The following SOX5 variants were observed in gnomAD, a reference collection of about 807,000 sequenced individuals.
The protein encoded by SOX5 is SRY-box transcription factor 5.
A neutral mutation model predicts 92.0 loss-of-function variants in SOX5; 9 were observed. The observed-to-expected ratio is 0.10, with a 90% CI of 0.06 to 0.17. The LOEUF is 0.17. Among genes scored for constraint, SOX5 ranks in the 10% least tolerant of loss-of-function variants. The pLI, the probability that SOX5 is intolerant of heterozygous loss-of-function variation, is 1.00. For missense variants in SOX5, 642 were observed against 944.5 expected, an observed-to-expected ratio of 0.68 and a Z score of 4.20; for synonymous variants, 344 against 336.3, an observed-to-expected ratio of 1.02 and a Z score of -0.25.
At chr12:23,933,489 C>T (rs144511700) in intron 1 of SOX5, among the ~76,000 whole-genome samples, 48 of 151,640 alleles carry the variant, frequency 3.2e-4, no homozygotes, top group African/African-American at 1.1e-3. Context: ...CTACAGCACT[C>T]TAAATGTGCA....
intron 8 of SOX5, among the ~76,000 whole-genome samples, chr12:23,633,227 CAAAAAACAG>C (rs1462961991): frequency 4.0e-5 from 6 of 151,666 alleles, no homozygotes; most frequent in Admixed American, 3.3e-4. Context: ...AGAAGTGTAG[CAAAAAACAG>C]AAACAGTACA....
At chr12:23,960,534 T>TATATTTATATACATATATATATATATAC in intron 4 of SOX5, among the ~76,000 whole-genome samples, 1 of 144,560 alleles carries the variant, frequency 6.9e-6, no homozygotes, top group Non-Finnish European at 1.5e-5. Context: ...TATATACATA[T>TATATTTATATACATATATATATATATAC]ATATATATAT....
At chr12:24,381,693 A>G (rs759553293) in intron 1 of SOX5, among the ~76,000 whole-genome samples, 27 of 152,242 alleles carry the variant, frequency 1.8e-4, no homozygotes, top group Non-Finnish European at 3.5e-4. Context: ...GTCTTTAAAA[A>G]GGTGGATCAT....
At chr12:24,340,954 T>C (rs1036863701) in intron 2 of SOX5, among the ~76,000 whole-genome samples, 1 of 152,164 alleles carries the variant, frequency 6.6e-6, no homozygotes, top group African/African-American at 2.4e-5. Flanking sequence ...ATGTATAAAT[T>C]TAATGTACTC....
chr12:23,912,149 C>G lies in SOX5; in HGVS notation c.39-16125G>C, dbSNP rs142052061. Among the ~76,000 whole-genome samples the G allele has an allele frequency of 5.5e-3, 835 of 152,066 alleles. 9 individuals carry two copies. Among genetic ancestry groups the G allele is most frequent in the African/African-American group, 0.019 (788 of 41,470 alleles). ...ATATACATGGAATTATTGTACAACA[C>G]TTACAATAGAAAGATAATCCATTTT... On this transcript the variant is annotated intron_variant, in intron 1 of 14. Transcript: ENST00000451604.
At chr12:23,802,910 G>T (rs2095690133) in intron 3 of SOX5, among the ~76,000 whole-genome samples, 1 of 152,056 alleles carries the variant, frequency 6.6e-6, no homozygotes, top group African/African-American at 2.4e-5. Context: ...CCACACTACA[G>T]AATATTAAAT....
intron 1 of SOX5, among the ~76,000 whole-genome samples, chr12:24,399,968 T>C (rs527450314): frequency 6.6e-6 from 1 of 152,320 alleles, no homozygotes; most frequent in African/African-American, 2.4e-5. Flanking sequence ...TACAATAAGG[T>C]TTTCATATTA....
At chr12:24,421,489 A>C (rs1299964823) in intron 1 of SOX5, among the ~76,000 whole-genome samples, 3 of 152,164 alleles carry the variant, frequency 2.0e-5, no homozygotes, top group African/African-American at 7.2e-5. Flanking sequence ...TACTTATAAG[A>C]ATAATGTTCT....
At chr12:24,257,350 G>C (rs1941362408) in intron 3 of SOX5, among the ~76,000 whole-genome samples, 1 of 152,008 alleles carries the variant, frequency 6.6e-6, no homozygotes, top group Non-Finnish European at 1.5e-5. Context: ...ACAACATAAA[G>C]GTGCATACAA....
At chr12:23,816,033 A>G (rs1490190612) in intron 3 of SOX5, among the ~76,000 whole-genome samples, 2 of 152,146 alleles carry the variant, frequency 1.3e-5, no homozygotes, top group African/African-American at 4.8e-5. Context: ...TTCATGTGTC[A>G]TGAAACATTA....
chr12:23,947,391 T>C (rs962824650), intron 1 of SOX5, among the ~76,000 whole-genome samples: 1 of 151,882 alleles, frequency 6.6e-6, no homozygotes, highest in Non-Finnish European at 1.5e-5. Flanking sequence ...AGTTACATCA[T>C]AAATACCTCC....
At chr12:23,887,689 T>C (rs1361637840) in intron 2 of SOX5, among the ~76,000 whole-genome samples, 1 of 152,206 alleles carries the variant, frequency 6.6e-6, no homozygotes. Flanking sequence ...TCTAAAGTAA[T>C]TGTTTTTATC....
chr12:24,236,942 G>A (rs369434431), intron 3 of SOX5, among the ~76,000 whole-genome samples: 206 of 152,070 alleles, frequency 1.4e-3, no homozygotes, highest in African/African-American at 3.6e-3. Context: ...GGATTACTCA[G>A]TGAATCCTCT....
At chr12:23,625,340 C>T (rs1204037117) in intron 8 of SOX5, among the ~76,000 whole-genome samples, 1 of 152,148 alleles carries the variant, frequency 6.6e-6, no homozygotes, top group Non-Finnish European at 1.5e-5. Context: ...GGGGCTGTTA[C>T]TGGTGTTACG....
intron 1 of SOX5, among the ~76,000 whole-genome samples, chr12:24,441,124 C>A (rs879909835): frequency 1.3e-5 from 2 of 152,180 alleles, no homozygotes; most frequent in East Asian, 1.9e-4. Flanking sequence ...CCAGAACCCA[C>A]GTCATAAGAC....
intron 1 of SOX5, among the ~76,000 whole-genome samples, chr12:24,509,886 A>G (rs1480692964): frequency 6.6e-6 from 1 of 152,238 alleles, no homozygotes; most frequent in Admixed American, 6.5e-5. Context: ...CTGGAACCAG[A>G]AATCTATTTA....
At chr12:23,620,932 T>G (rs149232573) in intron 8 of SOX5, among the ~76,000 whole-genome samples, 6 of 152,266 alleles carry the variant, frequency 3.9e-5, no homozygotes, top group African/African-American at 1.4e-4. Flanking sequence ...AGTAAATAAT[T>G]ATCTCTGCTT....
intron 8 of SOX5, among the ~76,000 whole-genome samples, chr12:23,636,508 G>A (rs1232094887): frequency 6.6e-6 from 1 of 152,090 alleles, no homozygotes; most frequent in African/African-American, 2.4e-5. Flanking sequence ...ACAATTATAT[G>A]CAAAAGGTTA....
chr12:24,058,425 T>C (rs1485291966), intron 4 of SOX5, among the ~76,000 whole-genome samples: 3 of 152,170 alleles, frequency 2.0e-5, no homozygotes, highest in Non-Finnish European at 4.4e-5. Context: ...GTACTACCAA[T>C]AGAAATCAAT....
Sources: allele counts gnomAD v4.1 joint callset (sites outside exome capture counted in the v4.1 genomes callset), GRCh38; gene constraint gnomAD v4.1.1; transcripts MANE v1.5; gene names NCBI Gene and HGNC (gene_info 2026-07-23, HGNC 2026-07-21).